The following ADGRF5 variants were observed in gnomAD, a reference collection of about 807,000 sequenced individuals.
ADGRF5 encodes the protein adhesion G protein-coupled receptor F5.
A neutral mutation model predicts 132.3 loss-of-function variants in ADGRF5; 75 were observed. That is an observed-to-expected ratio of 0.57 (90% CI 0.47 to 0.69). ADGRF5 has a LOEUF of 0.69. Ranked by LOEUF, ADGRF5 falls within the 30% of genes least tolerant of loss-of-function variation. The probability of loss-of-function intolerance (pLI) is 0.00; values close to 1 mark genes in which losing one functional copy is unlikely to be tolerated. For missense variants in ADGRF5, 1,516 were observed against 1,630.6 expected, an observed-to-expected ratio of 0.93 and a Z score of 1.21; for synonymous variants, 629 against 597.6, an observed-to-expected ratio of 1.05 and a Z score of -0.77.
intron 3 of ADGRF5, among the ~76,000 whole-genome samples, chr6:46,898,763 T>A (rs1774437377): frequency 6.6e-6 from 1 of 152,196 alleles, no homozygotes; most frequent in Non-Finnish European, 1.5e-5. Flanking sequence ...ACTGTCTCTT[T>A]TAGACTCACT....
At chr6:46,896,634 C>G (rs566496682) in intron 3 of ADGRF5, among the ~76,000 whole-genome samples, 2 of 148,928 alleles carry the variant, frequency 1.3e-5, no homozygotes, top group East Asian at 1.9e-4. Flanking sequence ...TCCTAACAAC[C>G]CTATAAAGTA....
intron 1 of ADGRF5, among the ~76,000 whole-genome samples, chr6:46,940,048 C>T (rs1360335363): frequency 3.3e-5 from 5 of 151,792 alleles, no homozygotes; most frequent in African/African-American, 1.2e-4. Context: ...ATTTGTAGTT[C>T]TGTATCTGAA....
chr6:46,887,017 T>C (rs946448525), intron 4 of ADGRF5: 1 of 152,220 alleles, frequency 6.6e-6, no homozygotes, highest in Non-Finnish European at 1.5e-5. Flanking sequence ...GTTTTTAAGA[T>C]GGTGAAGCCT....
intron 3 of ADGRF5, among the ~76,000 whole-genome samples, chr6:46,893,804 G>A: frequency 6.6e-6 from 1 of 152,130 alleles, no homozygotes; most frequent in East Asian, 1.9e-4. Flanking sequence ...ACAGACAGAG[G>A]CCTATCAGCA....
intron 1 of ADGRF5, among the ~76,000 whole-genome samples, chr6:46,917,849 T>A (rs1776561451): frequency 6.6e-6 from 1 of 152,264 alleles, no homozygotes; most frequent in Admixed American, 6.5e-5. Flanking sequence ...TATACCTATG[T>A]AACAAACCTG....
intron 20 of ADGRF5, among the ~76,000 whole-genome samples, chr6:46,855,406 G>A (rs1768930120): frequency 6.6e-6 from 1 of 152,148 alleles, no homozygotes; most frequent in Non-Finnish European, 1.5e-5. Context: ...TTTTATAAAT[G>A]AGGAAGTGAG....
upstream of ADGRF5, among the ~76,000 whole-genome samples, chr6:46,922,759 T>C (rs1008700589): frequency 2.0e-5 from 3 of 152,192 alleles, no homozygotes; most frequent in Admixed American, 1.3e-4. Flanking sequence ...GGAATCGGCA[T>C]TGGAAATAAG....
At chr6:46,855,923 T>C (rs917542049) in intron 20 of ADGRF5, 51 bp downstream of exon 20, 3 of 1,063,280 alleles carry the variant, frequency 2.8e-6, no homozygotes, top group African/African-American at 1.5e-5. Flanking sequence ...GCTCCCCATT[T>C]GAGCAAATGT....
intron 1 of ADGRF5, chr6:46,908,876 A>G (rs1775657375): frequency 6.6e-6 from 1 of 152,200 alleles, no homozygotes; most frequent in African/African-American, 2.4e-5. Context: ...AAAAGAAAGG[A>G]GAAAGCCACC....
chr6:46,892,862 A>C (rs1773791204), intron 3 of ADGRF5, among the ~76,000 whole-genome samples: 1 of 152,108 alleles, frequency 6.6e-6, no homozygotes, highest in Admixed American at 6.6e-5. Context: ...TTGTTCCTTG[A>C]TTTAATGATT....
chr6:46,946,523 G>T (rs1271247483), intron 1 of ADGRF5, among the ~76,000 whole-genome samples: 5 of 152,158 alleles, frequency 3.3e-5, no homozygotes, highest in Non-Finnish European at 7.3e-5. Flanking sequence ...ATATGGGTTA[G>T]GAAGAGCTTC....
At chr6:46,889,501 G>T (rs113998423) in intron 3 of ADGRF5, among the ~76,000 whole-genome samples, 6,272 of 144,152 alleles carry the variant, frequency 0.044, 146 homozygotes, top group Middle Eastern at 0.07. Flanking sequence ...TTTATATATA[G>T]AGAGAGACTA....
intron 3 of ADGRF5, among the ~76,000 whole-genome samples, chr6:46,899,088 A>G (rs9472898): frequency 0.02 from 3,066 of 152,218 alleles, 109 homozygotes; most frequent in African/African-American, 0.07. Flanking sequence ...TATCAAGGGG[A>G]ATGGGAACCC....
rs1389146989 is a variant in ADGRF5 at position 46,868,880 on chromosome 6, C to T, written c.1621+3G>A. The T allele has an allele frequency of 2.5e-6, 4 of 1,594,574 alleles. No homozygotes were observed. The highest frequency in any genetic ancestry group is 3.3e-5 in the Admixed American group (2 of 59,858). ...ACAATACGGTGTCCGGCCTTTCACT[C>T]ACCATTCCACTCCCTGGTCGAGGTC... On this transcript the variant is annotated splice_donor_region_variant and intron_variant, in intron 12 of 20. Coordinates refer to ENST00000283296, the MANE Select transcript of ADGRF5 (RefSeq NM_001098518.2).
chr6:46,930,951 G>A (rs1777529327), intron 1 of ADGRF5, among the ~76,000 whole-genome samples: 1 of 152,160 alleles, frequency 6.6e-6, no homozygotes, highest in African/African-American at 2.4e-5. Context: ...CTACCAGGGA[G>A]GCTGAGGTGG....
chr6:46,946,967 T>C (rs1220505387), intron 1 of ADGRF5, among the ~76,000 whole-genome samples: 1 of 152,212 alleles, frequency 6.6e-6, no homozygotes, highest in African/African-American at 2.4e-5. Flanking sequence ...TTCTAATCTT[T>C]ACTGGCCTTA....
In ADGRF5 at chr6:46,863,029, T is replaced by A; in HGVS notation, c.2058A>T (p.Leu686=). ...VGEPGKVIQK[L]CRFSNVPSSP... ...TGCTGGGAACGTTTGAGAACCGGCA[T>A]AGCTTCTGGATGACTTTCCCCGGCT... Residue 686 remains leucine (L), a synonymous_variant, in exon 15 of 21, where the codon CTA becomes CTT. Coordinates refer to ENST00000283296, the MANE Select transcript of ADGRF5 (RefSeq NM_001098518.2). The A allele has an allele frequency of 6.2e-7, 1 of 1,613,978 alleles. No individual in the cohort carries two copies. Among genetic ancestry groups the A allele is most frequent in the Non-Finnish European group, 8.5e-7 (1 of 1,179,910 alleles).
At chr6:46,919,397 G>A (rs956291365) in intron 1 of ADGRF5, among the ~76,000 whole-genome samples, 13 of 152,196 alleles carry the variant, frequency 8.5e-5, no homozygotes, top group Admixed American at 8.5e-4. Context: ...GTGACATGGT[G>A]AAAGAAGAGG....
At chr6:46,917,960 C>T (rs1387506673) in intron 1 of ADGRF5, among the ~76,000 whole-genome samples, 1 of 152,258 alleles carries the variant, frequency 6.6e-6, no homozygotes, top group Non-Finnish European at 1.5e-5. Context: ...CTGTAACTTG[C>T]TTTCCACTAA....
Sources: gnomAD v4.1 joint callset for allele counts (sites outside exome capture counted in the v4.1 genomes callset) on GRCh38, gnomAD v4.1.1 for gene constraint, MANE v1.5 for transcripts, NCBI Gene and HGNC (gene_info 2026-07-23, HGNC 2026-07-21) for gene names.